The following CACNA1A variants were observed in gnomAD, a reference collection of about 807,000 sequenced individuals.
The protein encoded by CACNA1A is voltage-dependent P/Q-type calcium channel subunit alpha-1A.
A neutral mutation model predicts 262.4 loss-of-function variants in CACNA1A; 57 were observed. That is an observed-to-expected ratio of 0.22 (90% CI 0.18 to 0.27). The LOEUF is 0.27. Among genes scored for constraint, CACNA1A ranks in the 10% least tolerant of loss-of-function variants. The pLI, the probability that CACNA1A is intolerant of heterozygous loss-of-function variation, is 1.00. For missense variants in CACNA1A, 2,526 were observed against 3,562.8 expected (o/e 0.71, Z 7.41); for synonymous variants, 1,431 against 1,419.3 (o/e 1.01, Z -0.18).
rs993209126 is a variant in CACNA1A at position 13,506,325 on chromosome 19, G to A, written c.-101C>T. 19 of 1,135,674 alleles carry A rather than the reference G, an allele frequency of 1.7e-5. No homozygotes were observed. The East Asian group carries it at 4.3e-4, about 26-fold the overall frequency. The allele number at this position is 1,135,674 out of a possible 1,614,324, so 70.3% of individuals were successfully genotyped here. On this transcript the variant is annotated 5_prime_UTR_variant, in exon 1 of 47. Transcript: ENST00000360228. ...CTGATGCTGAGGCTGCCGGGGCTGG[G>A]AGCGCGGCGGCTGGAGCTACGACTG...
intron 1 of CACNA1A, among the ~76,000 whole-genome samples, chr19:13,456,705 C>T (rs1263465369): frequency 6.6e-6 from 1 of 151,988 alleles, no homozygotes; most frequent in Non-Finnish European, 1.5e-5. Context: ...AGAACATTTA[C>T]AACACAACAA....
chr19:13,264,807 T>G (rs1246831906), intron 24 of CACNA1A, among the ~76,000 whole-genome samples: 2 of 152,140 alleles, frequency 1.3e-5, no homozygotes, highest in Admixed American at 1.3e-4. Context: ...CGGTCTCTGG[T>G]TTTAGACAGA....
chr19:13,253,675 A>G (rs2056464379), intron 29 of CACNA1A, among the ~76,000 whole-genome samples: 1 of 151,738 alleles, frequency 6.6e-6, no homozygotes, highest in East Asian at 2.0e-4. Context: ...TTGATCTCCT[A>G]ACCTTGTGAT....
intron 1 of CACNA1A, among the ~76,000 whole-genome samples, chr19:13,483,313 G>A (rs1050444585): frequency 5.9e-5 from 9 of 152,126 alleles, no homozygotes; most frequent in African/African-American, 2.2e-4. Context: ...AAGTACATTC[G>A]TATTGCCTTA....
intron 23 of CACNA1A, 22 bp from the exon 24 acceptor site, chr19:13,275,978 G>T: frequency 6.5e-7 from 1 of 1,526,948 alleles, no homozygotes; most frequent in Non-Finnish European, 9.1e-7. Flanking sequence ...AAGAGAGGGT[G>T]CTCAGAACCC....
rs744945 is a variant in CACNA1A at position 13,241,921 on chromosome 19, G to T, written c.4950+3261C>A. On this transcript the variant is annotated intron_variant, in intron 31 of 46. Transcript: ENST00000360228. This position sits in a 1 kb window ranked among gnomAD's most constrained non-coding sequence, Gnocchi z 4.0. ...TGAGACAGCACTGGTTAGTACTGCC[G>T]CATGCCCTCTGCCCCCTAAACCCCA... Among the ~76,000 whole-genome samples the T allele has an allele frequency of 6.6e-6, 1 of 151,952 alleles. No homozygotes were observed. Among genetic ancestry groups the T allele is most frequent in the Non-Finnish European group, 1.5e-5 (1 of 67,988 alleles).
At chr19:13,368,887 A>C (rs1306779296) in intron 4 of CACNA1A, among the ~76,000 whole-genome samples, 1 of 142,912 alleles carries the variant, frequency 7.0e-6, no homozygotes, top group Non-Finnish European at 1.5e-5. Flanking sequence ...AAATACAAAA[A>C]ATTAGCCGGG....
At position 13,216,911 on chromosome 19, in the gene CACNA1A, TG is replaced by T. The variant is rs113891858; in HGVS notation, c.5732-2304del. Reference sequence around the variant, plus strand: ...TTGGCTCTGCCCTCAATGCCTGGGGTGGGGGGCTTGAAAGAGGATAGGGTCC... The same window carrying T: ...TTGGCTCTGCCCTCAATGCCTGGGGTGGGGGCTTGAAAGAGGATAGGGTCC... On this transcript the variant is annotated intron_variant, in intron 38 of 46. Transcript: ENST00000360228. Among the ~76,000 whole-genome samples the T allele has an allele frequency of 1.5e-4, 23 of 151,668 alleles. 2 individuals are homozygous for T. The highest frequency in any genetic ancestry group is 5.6e-4 in the African/African-American group (23 of 41,372).
At chr19:13,292,087 G>C (rs2057552621) in intron 19 of CACNA1A, among the ~76,000 whole-genome samples, 1 of 152,210 alleles carries the variant, frequency 6.6e-6, no homozygotes, top group Non-Finnish European at 1.5e-5. Context: ...GCAAGGGAGA[G>C]GCAGAAGCTC....
chr19:13,220,768 G>A (rs1048383615), intron 38 of CACNA1A, among the ~76,000 whole-genome samples: 1 of 152,134 alleles, frequency 6.6e-6, no homozygotes, highest in East Asian at 1.9e-4. Flanking sequence ...TGGGACTACA[G>A]GTGCACATCA....
chr19:13,232,413 A>G (rs151277829), intron 34 of CACNA1A, among the ~76,000 whole-genome samples: 1 of 151,888 alleles, frequency 6.6e-6, no homozygotes, highest in African/African-American at 2.4e-5. Flanking sequence ...TGCATTGCTC[A>G]GGCTGGTCAC....
intron 1 of CACNA1A, among the ~76,000 whole-genome samples, chr19:13,499,187 G>A (rs746743027): frequency 7.9e-5 from 12 of 152,064 alleles, no homozygotes; most frequent in Non-Finnish European, 1.6e-4. Context: ...GACAGGGAGT[G>A]CAAAAGGGGA....
intron 3 of CACNA1A, among the ~76,000 whole-genome samples, chr19:13,393,033 T>G (rs1024470525): frequency 6.6e-6 from 1 of 152,212 alleles, no homozygotes; most frequent in Non-Finnish European, 1.5e-5. Flanking sequence ...CCTCCCAAAG[T>G]GCTGGGATTA....
At chr19:13,382,375 C>A (rs957916614) in intron 3 of CACNA1A, among the ~76,000 whole-genome samples, 2 of 152,156 alleles carry the variant, frequency 1.3e-5, no homozygotes, top group African/African-American at 4.8e-5. Context: ...ATCTCACCAC[C>A]CTGTGCAATC....
chr19:13,355,847 T>C (rs2058999028), intron 6 of CACNA1A, among the ~76,000 whole-genome samples: 2 of 152,180 alleles, frequency 1.3e-5, no homozygotes, highest in South Asian at 4.1e-4. Context: ...TTGTAGAATG[T>C]TGAGTAGCAT....
chr19:13,275,802 G>T (rs769969240), intron 24 of CACNA1A, 48 bp downstream of exon 24: 10 of 1,272,094 alleles, frequency 7.9e-6, no homozygotes, highest in Non-Finnish European at 5.7e-6. Flanking sequence ...GGCCCAGGCT[G>T]GGGGTTGGGG....
At chr19:13,300,467 C>T in intron 18 of CACNA1A, 83 bp downstream of exon 18, 1 of 935,036 alleles carries the variant, frequency 1.1e-6, no homozygotes, top group East Asian at 2.4e-5. Context: ...CAAGGACCAC[C>T]CCCACTGCTT....
At chr19:13,240,771 CAGTGTGTGCGCAGTGACTG>C (rs1425099073) in intron 31 of CACNA1A, among the ~76,000 whole-genome samples, 1 of 146,108 alleles carries the variant, frequency 6.8e-6, no homozygotes, top group Non-Finnish European at 1.5e-5. Flanking sequence ...ACTGTGTGCA[CAGTGTGTGCGCAGTGACTG>C]AGTGTGTGCA....
chr19:13,482,141 G>T (rs752307107), intron 1 of CACNA1A, among the ~76,000 whole-genome samples: 6 of 152,232 alleles, frequency 3.9e-5, no homozygotes, highest in Non-Finnish European at 7.4e-5. Context: ...CATGTAGAGG[G>T]AACTAAGAAC....
Sources: allele counts gnomAD v4.1 joint callset (sites outside exome capture counted in the v4.1 genomes callset), GRCh38; gene constraint gnomAD v4.1.1; non-coding constraint Gnocchi (gnomAD v3.1); transcripts MANE v1.5; gene names NCBI Gene and HGNC (gene_info 2026-07-23, HGNC 2026-07-21).